ATG10: variants seen among roughly 807,000 people sequenced by gnomAD.
ATG10 encodes ubiquitin-like-conjugating enzyme ATG10.
Under a neutral mutation model 32.1 loss-of-function variants are expected in ATG10, and 30 were observed. The observed-to-expected ratio is 0.94, with a 90% CI of 0.70 to 1.27. ATG10 has a LOEUF of 1.27. ATG10 is among the 50% of genes most tolerant of loss of function. The probability of loss-of-function intolerance (pLI) is 0.00; values close to 1 mark genes in which losing one functional copy is unlikely to be tolerated. For missense variants in ATG10, 233 were observed against 262.3 expected, an observed-to-expected ratio of 0.89 and a Z score of 0.77; for synonymous variants, 87 against 91.5, an observed-to-expected ratio of 0.95 and a Z score of 0.28.
At chr5:82,032,473 A>G (rs1306686400) in intron 2 of ATG10, among the ~76,000 whole-genome samples, 3 of 152,310 alleles carry the variant, frequency 2.0e-5, no homozygotes, top group Admixed American at 6.5e-5. Flanking sequence ...ATTCAAATCC[A>G]TAAACTTTTA....
chr5:82,204,840 T>C (rs1475529888), intron 5 of ATG10, among the ~76,000 whole-genome samples: 1 of 152,190 alleles, frequency 6.6e-6, no homozygotes, highest in African/African-American at 2.4e-5. Context: ...CTGAGTGGCA[T>C]GTCTCTGAAC....
chr5:82,055,593 A>G (rs889557968), intron 2 of ATG10, among the ~76,000 whole-genome samples: 7 of 152,304 alleles, frequency 4.6e-5, no homozygotes, highest in Middle Eastern at 6.8e-3. Flanking sequence ...AGTTACCCTC[A>G]TTTAATGAGC....
intron 2 of ATG10, among the ~76,000 whole-genome samples, chr5:81,999,660 A>G (rs1473318614): frequency 1.3e-5 from 2 of 152,096 alleles, no homozygotes; most frequent in African/African-American, 4.8e-5. Flanking sequence ...GAAAAAAGAG[A>G]GAAGATCCAA....
At chr5:82,038,806 T>C (rs1280227085) in intron 2 of ATG10, among the ~76,000 whole-genome samples, 1 of 152,222 alleles carries the variant, frequency 6.6e-6, no homozygotes, top group East Asian at 1.9e-4. Context: ...TTTTTAGCTT[T>C]TTATTTCAAT....
chr5:82,147,085 G>C (rs1242225850), intron 3 of ATG10: 1 of 153,322 alleles, frequency 6.5e-6, no homozygotes, highest in Non-Finnish European at 1.5e-5. Flanking sequence ...TAACTAGGTG[G>C]TACTAGGTTT....
At chr5:82,023,094 C>T (rs1762495768) in intron 2 of ATG10, among the ~76,000 whole-genome samples, 1 of 151,592 alleles carries the variant, frequency 6.6e-6, no homozygotes, top group Non-Finnish European at 1.5e-5. Flanking sequence ...TGCCTCTTAT[C>T]AATGTGTAGA....
intron 2 of ATG10, among the ~76,000 whole-genome samples, chr5:81,991,298 T>A (rs1761446882): frequency 6.6e-6 from 1 of 152,254 alleles, no homozygotes; most frequent in Admixed American, 6.5e-5. Context: ...ATTGTTTTGC[T>A]TTTCAGGCCT....
intron 2 of ATG10, among the ~76,000 whole-genome samples, chr5:82,016,803 C>T (rs1274118015): frequency 6.6e-6 from 1 of 152,024 alleles, no homozygotes; most frequent in African/African-American, 2.4e-5. Flanking sequence ...ATTCTCCTGC[C>T]TCAGCCTCCC....
At chr5:82,151,433 T>C (rs1433337137) in intron 3 of ATG10, among the ~76,000 whole-genome samples, 1 of 152,204 alleles carries the variant, frequency 6.6e-6, no homozygotes, top group Non-Finnish European at 1.5e-5. Flanking sequence ...TAGAGGTTAA[T>C]TATGCAAGGC....
At chr5:82,084,417 T>C (rs957349586) in intron 3 of ATG10, among the ~76,000 whole-genome samples, 4 of 152,202 alleles carry the variant, frequency 2.6e-5, no homozygotes, top group Admixed American at 2.6e-4. Context: ...TTCAGGATAT[T>C]ATCCAGGAGA....
At chr5:82,203,978 T>G (rs1041781235) in intron 5 of ATG10, among the ~76,000 whole-genome samples, 4 of 152,176 alleles carry the variant, frequency 2.6e-5, no homozygotes, top group African/African-American at 9.7e-5. Flanking sequence ...ATTGCTGCTT[T>G]TATGGAGCTT....
intron 5 of ATG10, among the ~76,000 whole-genome samples, chr5:82,211,248 G>A (rs1745480461): frequency 1.3e-5 from 2 of 152,110 alleles, no homozygotes; most frequent in African/African-American, 4.8e-5. Context: ...ACTACTCTGT[G>A]AATTATTATG....
chr5:82,156,736 G>A (rs1383587555), intron 3 of ATG10, among the ~76,000 whole-genome samples: 2 of 152,244 alleles, frequency 1.3e-5, no homozygotes, highest in East Asian at 3.9e-4. Context: ...TCTTCCTCTA[G>A]TTTGTCATGT....
Position 81,987,575 on chromosome 5 carries a change from A to T in ATG10, c.5A>T (p.Glu2Val). 6.2e-7 allele frequency: 1 copy of T among 1,604,336 alleles called. No homozygotes were observed. M[E>V]EDEFIGEKTF... is the part of the protein sequence containing the mutation. ...GTATTGCAGTTATCATTTAACATGG[A>T]AGAAGATGAGTTCATTGGAGAAAAA... The change falls in exon 2 of 8, where the codon GAA becomes GTA. Residue 2 changes from glutamate to valine, a missense_variant. By Grantham distance (121) the Glu-to-Val change is moderately radical. Transcript: ENST00000282185.
intron 3 of ATG10, among the ~76,000 whole-genome samples, chr5:82,059,338 T>C (rs1006541523): frequency 1.3e-4 from 19 of 151,896 alleles, no homozygotes; most frequent in Non-Finnish European, 2.5e-4. Context: ...CCTTCAGTAG[T>C]TTACCACTGG....
chr5:81,977,317 A>T (rs975883377), intron 1 of ATG10, among the ~76,000 whole-genome samples: 1 of 152,188 alleles, frequency 6.6e-6, no homozygotes. Flanking sequence ...TTCCTTACCT[A>T]CTTCCCAGTA....
chr5:82,036,410 A>G (rs1369781054), intron 2 of ATG10, among the ~76,000 whole-genome samples: 1 of 152,146 alleles, frequency 6.6e-6, no homozygotes, highest in Non-Finnish European at 1.5e-5. Flanking sequence ...CCTGGCCAAC[A>G]TGATGAAACC....
chr5:82,163,267 G>T (rs1743436974), intron 3 of ATG10, among the ~76,000 whole-genome samples: 1 of 152,068 alleles, frequency 6.6e-6, no homozygotes, highest in African/African-American at 2.4e-5. Context: ...ATTTTATTAT[G>T]TTTAATTGAT....
At chr5:82,196,503 T>C (rs147329340) in intron 5 of ATG10, among the ~76,000 whole-genome samples, 81 of 152,298 alleles carry the variant, frequency 5.3e-4, no homozygotes, top group African/African-American at 1.9e-3. Flanking sequence ...TTCTAAGAGT[T>C]TTATGGTTTT....
Sources: allele counts gnomAD v4.1 joint callset (sites outside exome capture counted in the v4.1 genomes callset), GRCh38; gene constraint gnomAD v4.1.1; transcripts MANE v1.5; gene names NCBI Gene and HGNC (gene_info 2026-07-23, HGNC 2026-07-21).